Variants in ACSL4 observed in about 807,000 individuals in gnomAD.
ACSL4 encodes the protein acyl-CoA synthetase long chain family member 4.
ACSL4 carries 9 observed loss-of-function variants against 49.1 expected under a neutral mutation model. The ratio of observed to expected loss-of-function variants is 0.18; its 90% CI spans 0.11 to 0.32. The LOEUF is 0.32. Among genes scored for constraint, ACSL4 ranks in the 10% least tolerant of loss-of-function variants. ACSL4 has a pLI of 1.00. For synonymous variants in ACSL4, 191 were observed against 170.3 expected, an observed-to-expected ratio of 1.12 and a Z score of -0.95; for missense variants, 333 against 493.7, an observed-to-expected ratio of 0.67 and a Z score of 3.08.
intron 1 of ACSL4, among the ~76,000 whole-genome samples, chrX:109,701,366 A>G (rs1370822694): frequency 9.4e-6 from 1 of 106,709 alleles, no homozygotes; most frequent in Non-Finnish European, 1.9e-5. Context: ...ACAGGTGTGC[A>G]CCACAGCACG....
At chrX:109,688,291 CAA>C (rs1173726903) in intron 2 of ACSL4, among the ~76,000 whole-genome samples, 1 of 111,665 alleles carries the variant, frequency 9.0e-6, no homozygotes, top group Non-Finnish European at 1.9e-5. Flanking sequence ...GTTGATGCTC[CAA>C]GCTGAGGCCA....
intron 1 of ACSL4, among the ~76,000 whole-genome samples, chrX:109,710,606 G>GT (rs1224902463): frequency 8.9e-6 from 1 of 112,646 alleles, no homozygotes; most frequent in African/African-American, 3.2e-5. Context: ...CAGATGCATT[G>GT]TAAGAAAATA....
chrX:109,660,995 G>A (rs1289790716), intron 14 of ACSL4, among the ~76,000 whole-genome samples: 3 of 111,241 alleles, frequency 2.7e-5, no homozygotes, highest in East Asian at 5.6e-4. Context: ...AAAAGGTCTG[G>A]AGATTGGCTG....
chrX:109,646,901 C>T (rs1051735276), intron 15 of ACSL4, among the ~76,000 whole-genome samples: 12 of 111,263 alleles, frequency 1.1e-4, no homozygotes, highest in Admixed American at 1.1e-3. Context: ...GACTTTAAAC[C>T]AACAAAGATC....
In ACSL4 at chrX:109,669,027, T is replaced by A; in HGVS notation, c.1142+7A>T. ...CTCAAACCACAGAGCCTATGAAATG[T>A]ACTTACAGATTGCAAAGAGGTGCAT... On this transcript the variant is annotated splice_region_variant and intron_variant, in intron 10 of 15. Transcript: ENST00000672401. The A allele has an allele frequency of 1.7e-6, 2 of 1,203,644 alleles. No individual in the cohort carries two copies. The highest frequency in any genetic ancestry group is 5.9e-5 in the East Asian group (2 of 33,654).
intron 1 of ACSL4, among the ~76,000 whole-genome samples, chrX:109,697,476 A>G (rs986356791): frequency 9.0e-6 from 1 of 111,250 alleles, no homozygotes; most frequent in African/African-American, 3.3e-5. Flanking sequence ...ACCATTAAAG[A>G]GATGAAGGAA....
intron 1 of ACSL4, among the ~76,000 whole-genome samples, chrX:109,725,726 C>T (rs5942832): frequency 0.19 from 20,911 of 110,045 alleles, 1,954 homozygotes; most frequent in Middle Eastern, 0.32. Flanking sequence ...GGCAAAAGAG[C>T]GAGACTCCAT....
At chrX:109,686,661 T>G (rs1261886667) in intron 2 of ACSL4, among the ~76,000 whole-genome samples, 1 of 111,523 alleles carries the variant, frequency 9.0e-6, no homozygotes, top group Non-Finnish European at 1.9e-5. Context: ...TGTTTTTTAG[T>G]TATTGATGTT....
chrX:109,726,880 GTT>G (rs1294898010), intron 1 of ACSL4, among the ~76,000 whole-genome samples: 1 of 104,428 alleles, frequency 9.6e-6, no homozygotes, highest in Non-Finnish European at 2.0e-5. Flanking sequence ...TTGTTGTTTT[GTT>G]TTTTTTGTTT....
At chrX:109,710,055 A>C (rs977717358) in intron 1 of ACSL4, among the ~76,000 whole-genome samples, 1 of 112,022 alleles carries the variant, frequency 8.9e-6, no homozygotes, top group Non-Finnish European at 1.9e-5. Flanking sequence ...CAGTGAGCCA[A>C]GATCACGCCA....
chrX:109,683,088 T>A lies in ACSL4; in HGVS notation c.228+48A>T, dbSNP rs771578873. 22 of 1,147,054 alleles carry A rather than the reference T, an allele frequency of 1.9e-5. No homozygotes were observed. In the East Asian group the frequency reaches 6.0e-4, roughly 31 times the overall value. 94.5% of individuals were successfully genotyped at this position (1,147,054 alleles called of 1,213,427 possible). The stretch of plus-strand genomic sequence containing the variant: ...CGCACTCGATTTATGATAAAACAAA[T>A]GTGTCTTCCTCTTTAAAACATAAAT... On this transcript the variant is annotated intron_variant, in intron 3 of 15. Transcript: ENST00000672401.
chrX:109,705,667 A>G (rs1046923906), intron 1 of ACSL4, among the ~76,000 whole-genome samples: 2 of 112,618 alleles, frequency 1.8e-5, no homozygotes, highest in Non-Finnish European at 1.9e-5. Context: ...GGGATTTTCA[A>G]TATCTGATCC....
chrX:109,711,975 A>G (rs917769626), intron 1 of ACSL4, among the ~76,000 whole-genome samples: 2 of 112,351 alleles, frequency 1.8e-5, no homozygotes, highest in African/African-American at 6.5e-5. Context: ...TTATGTAGAA[A>G]GGAAACCAAA....
chrX:109,641,890 T>C lies in ACSL4; in HGVS notation c.*2139A>G, dbSNP rs753510007. The C allele has an allele frequency of 8.9e-6, 1 of 112,638 alleles. No individual in the cohort carries two copies. Among genetic ancestry groups the C allele is most frequent in the South Asian group, 3.7e-4 (1 of 2,730 alleles). 9.3% of individuals were successfully genotyped at this position (112,638 alleles called of 1,213,427 possible). On this transcript the variant is annotated 3_prime_UTR_variant, in exon 16 of 16. Transcript: ENST00000672401. ...TAACTGTGAGCAATTTAAACAGGTA[T>C]AAAAATGTGAGATCAAAATCTTTAG...
At chrX:109,689,752 G>A (rs763862042) in intron 2 of ACSL4, among the ~76,000 whole-genome samples, 2 of 111,279 alleles carry the variant, frequency 1.8e-5, no homozygotes, top group African/African-American at 6.5e-5. Context: ...CCTTACTTGC[G>A]TTATTTTTTT....
intron 1 of ACSL4, among the ~76,000 whole-genome samples, chrX:109,731,189 T>A (rs1046785945): frequency 1.8e-4 from 20 of 111,296 alleles, no homozygotes; most frequent in East Asian, 1.4e-3. Context: ...TCTAGTCAAC[T>A]GGTATAACAG....
chrX:109,721,274 T>G (rs1569443547), intron 1 of ACSL4, among the ~76,000 whole-genome samples: 1 of 112,532 alleles, frequency 8.9e-6, no homozygotes, highest in African/African-American at 3.2e-5. Context: ...GCACAGTGAA[T>G]TTTCACCATC....
intron 8 of ACSL4, among the ~76,000 whole-genome samples, chrX:109,677,461 A>T (rs1923807078): frequency 9.0e-6 from 1 of 111,218 alleles, no homozygotes; most frequent in Non-Finnish European, 1.9e-5. Flanking sequence ...TAGTAGAAAA[A>T]GATAAAAGTA....
intron 1 of ACSL4, among the ~76,000 whole-genome samples, chrX:109,726,690 A>T (rs1051779658): frequency 5.4e-5 from 6 of 110,730 alleles, no homozygotes; most frequent in Non-Finnish European, 1.1e-4. Context: ...TTATTTATTT[A>T]TTTTTTGAGA....
Sources: allele counts gnomAD v4.1 joint callset (sites outside exome capture counted in the v4.1 genomes callset), GRCh38; gene constraint gnomAD v4.1.1; transcripts MANE v1.5; gene names NCBI Gene and HGNC (gene_info 2026-07-23, HGNC 2026-07-21).